Variants in TMC1 observed in about 807,000 individuals in gnomAD.
TMC1 encodes transmembrane channel like 1, also known as transmembrane channel-like protein 1.
A neutral mutation model predicts 105.8 loss-of-function variants in TMC1; 84 were observed. That is an observed-to-expected ratio of 0.79 (90% CI 0.67 to 0.95). The LOEUF is 0.95. TMC1 is among the 40% of genes least tolerant of loss of function. The probability of loss-of-function intolerance (pLI) is 0.00; values close to 1 mark genes in which losing one functional copy is unlikely to be tolerated. For synonymous variants in TMC1, 315 were observed against 311.5 expected (o/e 1.01, Z -0.12); for missense variants, 817 against 914.1 (o/e 0.89, Z 1.37).
chr9:72,750,032 G>A (rs1374285123), intron 10 of TMC1, among the ~76,000 whole-genome samples: 7 of 152,114 alleles, frequency 4.6e-5, no homozygotes, highest in Admixed American at 4.6e-4. Flanking sequence ...GCTTGAAACT[G>A]TAAAGCAGAG....
Position 72,633,696 on chromosome 9 carries a change from T to C in TMC1, c.-53+5633T>C, listed in dbSNP as rs188313240. 9.5e-4 allele frequency among the ~76,000 whole-genome samples: 144 copies of C among 152,300 alleles called. 3 individuals are homozygous for C. In the East Asian group the frequency reaches 0.023, roughly 24 times the overall value. The stretch of plus-strand genomic sequence containing the variant: ...CCTATTACATGTTCTGAAAAAAAAT[T>C]CTCTACATGAACCAAAGGAATGAAT... On this transcript the variant is annotated intron_variant, in intron 4 of 23. Coordinates refer to ENST00000297784, the MANE Select transcript of TMC1 (RefSeq NM_138691.3).
intron 8 of TMC1, among the ~76,000 whole-genome samples, chr9:72,734,365 A>G (rs1827263549): frequency 6.6e-6 from 1 of 152,146 alleles, no homozygotes; most frequent in Non-Finnish European, 1.5e-5. Context: ...GGATGTGACA[A>G]TCCTACAGAG....
intron 1 of TMC1, among the ~76,000 whole-genome samples, chr9:72,563,847 C>T (rs1428577038): frequency 2.3e-5 from 3 of 127,942 alleles, no homozygotes; most frequent in African/African-American, 3.1e-5. Context: ...CTGCAGTGAA[C>T]GAGATCAAGT....
At chr9:72,637,031 T>C (rs1461270421) in intron 4 of TMC1, among the ~76,000 whole-genome samples, 1 of 150,756 alleles carries the variant, frequency 6.6e-6, no homozygotes, top group Admixed American at 6.6e-5. Context: ...AGAAGCAGCC[T>C]AGAACTTTGA....
At chr9:72,610,990 C>T (rs1206373497) in intron 2 of TMC1, among the ~76,000 whole-genome samples, 1 of 152,156 alleles carries the variant, frequency 6.6e-6, no homozygotes, top group Non-Finnish European at 1.5e-5. Flanking sequence ...ACATCTGTTA[C>T]CTCCTTACCT....
In TMC1 at chr9:72,830,738, CTTTTTTT is replaced by C. The variant is rs71495342; in HGVS notation, c.2260+66_2260+72del. 9.1e-5 allele frequency: 105 copies of C among 1,148,140 alleles called. 1 individual carries two copies. The highest frequency in any genetic ancestry group is 1.2e-4 in the Non-Finnish European group (101 of 822,520). 71.1% of individuals were successfully genotyped at this position (1,148,140 alleles called of 1,614,324 possible). A position where few individuals can be genotyped will look rare whatever the true frequency, so the allele number is the denominator to read the frequency against. Reference sequence around the variant, plus strand: ...GTAATTTTTCTTTTTCTTTTTCTTTCTTTTTTTTTTTTTTTTGCTTTTTCTCCATTGG... The same window carrying C: ...GTAATTTTTCTTTTTCTTTTTCTTTCTTTTTTTTTGCTTTTTCTCCATTGG... On this transcript the variant is annotated intron_variant, in intron 23 of 23. Coordinates refer to ENST00000297784, the MANE Select transcript of TMC1 (RefSeq NM_138691.3).
intron 2 of TMC1, among the ~76,000 whole-genome samples, chr9:72,588,188 T>C (rs1358307658): frequency 6.6e-6 from 1 of 152,080 alleles, no homozygotes; most frequent in Non-Finnish European, 1.5e-5. Context: ...GGTTGTAGGA[T>C]GGTGTGAGAA....
At chr9:72,540,090 C>G (rs1240929378) in intron 1 of TMC1, among the ~76,000 whole-genome samples, 1 of 152,126 alleles carries the variant, frequency 6.6e-6, no homozygotes, top group African/African-American at 2.4e-5. Flanking sequence ...AACTCGCTCA[C>G]TCCCACCCCT....
At chr9:72,579,787 C>T (rs938761090) in intron 2 of TMC1, among the ~76,000 whole-genome samples, 1 of 152,060 alleles carries the variant, frequency 6.6e-6, no homozygotes, top group Admixed American at 6.6e-5. Context: ...TTTGGGAGGC[C>T]AAGGTGGGTA....
chr9:72,574,323 C>G (rs1824338036), intron 1 of TMC1, among the ~76,000 whole-genome samples: 1 of 152,174 alleles, frequency 6.6e-6, no homozygotes, highest in African/African-American at 2.4e-5. Flanking sequence ...TGAGTGACCT[C>G]CATTTAATTG....
At chr9:72,702,901 A>G (rs1826667833) in intron 8 of TMC1, among the ~76,000 whole-genome samples, 1 of 152,128 alleles carries the variant, frequency 6.6e-6, no homozygotes, top group South Asian at 2.1e-4. Flanking sequence ...TAGCATTGGA[A>G]AGAAGGACAA....
chr9:72,725,981 C>T lies in TMC1; in HGVS notation c.363-14138C>T, dbSNP rs756159740. On this transcript the variant is annotated intron_variant, in intron 8 of 23. Coordinates refer to ENST00000297784, the MANE Select transcript of TMC1 (RefSeq NM_138691.3). The stretch of plus-strand genomic sequence containing the variant: ...CTGGGATTACAGGCGTGAGCCACCA[C>T]GCCCGGCCTCAAATGTTAATCTCTT... Among the ~76,000 whole-genome samples, 37 of 152,236 alleles carry T rather than the reference C, an allele frequency of 2.4e-4. 1 individual carries two copies. Among genetic ancestry groups the T allele is most frequent in the Admixed American group, 1.4e-3 (22 of 15,288 alleles).
chr9:72,794,674 A>C (rs1243889115), intron 17 of TMC1, among the ~76,000 whole-genome samples: 2 of 152,224 alleles, frequency 1.3e-5, no homozygotes. Flanking sequence ...CACTGAGATG[A>C]GAAAGAACCA....
At chr9:72,681,691 C>T (rs1244487909) in intron 5 of TMC1, among the ~76,000 whole-genome samples, 1 of 152,092 alleles carries the variant, frequency 6.6e-6, no homozygotes, top group Non-Finnish European at 1.5e-5. Flanking sequence ...TCCCTTTCCC[C>T]TCCTTCTTAC....
intron 12 of TMC1, among the ~76,000 whole-genome samples, chr9:72,763,193 A>T (rs1391393406): frequency 6.7e-6 from 1 of 148,230 alleles, no homozygotes; most frequent in African/African-American, 2.5e-5. Context: ...TGCAAATATT[A>T]GGGATGCATA....
intron 1 of TMC1, among the ~76,000 whole-genome samples, chr9:72,536,565 C>G (rs1281747231): frequency 6.6e-6 from 1 of 152,192 alleles, no homozygotes; most frequent in Non-Finnish European, 1.5e-5. Flanking sequence ...ATCTCCTGAC[C>G]TCGTGATCCG....
intron 12 of TMC1, among the ~76,000 whole-genome samples, chr9:72,764,427 T>C (rs1206873399): frequency 6.6e-6 from 1 of 152,178 alleles, no homozygotes; most frequent in African/African-American, 2.4e-5. Flanking sequence ...CAACTTTTTT[T>C]TCTTTGTGGA....
chr9:72,774,106 G>A (rs956729177), intron 13 of TMC1, among the ~76,000 whole-genome samples: 9 of 152,166 alleles, frequency 5.9e-5, no homozygotes, highest in African/African-American at 2.2e-4. Context: ...AAGCCAGCAT[G>A]GTAGGAGTTG....
At chr9:72,663,171 G>T (rs918521837) in intron 5 of TMC1, among the ~76,000 whole-genome samples, 8 of 152,260 alleles carry the variant, frequency 5.3e-5, no homozygotes, top group Admixed American at 3.3e-4. Flanking sequence ...CAATCATAGG[G>T]ATGTGGAAAA....
Sources: allele counts gnomAD v4.1 joint callset (sites outside exome capture counted in the v4.1 genomes callset), GRCh38; gene constraint gnomAD v4.1.1; transcripts MANE v1.5; gene names NCBI Gene and HGNC (gene_info 2026-07-23, HGNC 2026-07-21).